Variants in GUCY2D observed in about 807,000 individuals in gnomAD.
GUCY2D encodes the protein retinal guanylyl cyclase 1.
A neutral mutation model predicts 101.3 loss-of-function variants in GUCY2D; 70 were observed. The observed-to-expected ratio is 0.69, with a 90% CI of 0.57 to 0.84. GUCY2D has a LOEUF of 0.84. GUCY2D is among the 40% of genes least tolerant of loss of function. The pLI, the probability that GUCY2D is intolerant of heterozygous loss-of-function variation, is 0.00. For missense variants in GUCY2D, 1,460 were observed against 1,542.5 expected (o/e 0.95, Z 0.90); for synonymous variants, 688 against 670.7 (o/e 1.03, Z -0.40).
In GUCY2D at chr17:8,003,959, C is replaced by A. The variant is rs774569101; in HGVS notation, c.829C>A (p.Pro277Thr). The change falls in exon 3 of 20, where the codon CCC becomes ACC. Residue 277 changes from proline to threonine, a missense_variant. Physicochemically the swap from Pro to Thr is conservative, Grantham distance 38. Coordinates refer to ENST00000254854, the MANE Select transcript of GUCY2D (RefSeq NM_000180.4). ...GACCGATGGCTCCCTGGTCTTCCTG[C>A]CCTTCGACACGATCCACTACGCCTT... ...GLTDGSLVFLPFDTIHYALSP... is the reference protein window; with the variant it reads ...GLTDGSLVFLTFDTIHYALSP... The A allele has an allele frequency of 6.2e-7, 1 of 1,613,746 alleles. No homozygotes were observed. Among genetic ancestry groups the A allele is most frequent in the East Asian group, 2.2e-5 (1 of 44,880 alleles).
In GUCY2D at chr17:8,003,858, T is replaced by A; in HGVS notation, c.728T>A (p.Ile243Asn). 6.2e-7 allele frequency: 1 copy of A among 1,611,870 alleles called. No homozygotes were observed. Among genetic ancestry groups the A allele is most frequent in the Non-Finnish European group, 8.5e-7 (1 of 1,179,646 alleles). Residue 243 changes from isoleucine (I) to asparagine (N), a missense_variant, in exon 3 of 20, where the codon ATC (isoleucine) becomes AAC (asparagine). Ile to Asn is a moderately radical substitution (Grantham distance 149). Around this residue, in one of 3 missense-constraint regions of GUCY2D, gnomAD observed 1,196 missense variants for 1,229.6 expected, o/e 0.97. Coordinates refer to ENST00000254854, the MANE Select transcript of GUCY2D (RefSeq NM_000180.4). Reference protein sequence around the residue: ...VRDGPRVTAVIMVMHSVLLGG... With the variant: ...VRDGPRVTAVNMVMHSVLLGG... ...GCCAAGCCTCTGTCCGCAGCAGTGA[T>A]CATGGTGATGCACTCGGTGCTGCTG...
At position 8,004,162 on chromosome 17, in the gene GUCY2D, C is replaced by G; in HGVS notation, c.1026+6C>G. 1.3e-6 allele frequency: 2 copies of G among 1,584,916 alleles called. No individual in the cohort carries two copies. The highest frequency in any genetic ancestry group is 8.5e-7 in the Non-Finnish European group (1 of 1,170,100). Reference sequence around the variant, plus strand: ...CTGACCTCAATCTGCAGCAGGTAGACGGTCCCGGGAGGAGGGAAGAAGGCA... The same window carrying G: ...CTGACCTCAATCTGCAGCAGGTAGAGGGTCCCGGGAGGAGGGAAGAAGGCA... On this transcript the variant is annotated splice_donor_region_variant and intron_variant, in intron 3 of 19. Transcript: ENST00000254854.
At chr17:8,018,301 C>T (rs73978658) in intron 19 of GUCY2D, among the ~76,000 whole-genome samples, 2,571 of 152,210 alleles carry the variant, frequency 0.017, 69 homozygotes, top group African/African-American at 0.058. Context: ...GGGCCAGGGT[C>T]GGCACTGCCT....
rs1261423606 is a variant in GUCY2D at position 8,006,631 on chromosome 17, C to G, written c.1295C>G (p.Thr432Ser). 11 of 1,612,796 alleles carry G rather than the reference C, an allele frequency of 6.8e-6. No homozygotes were observed. The African/African-American group carries it at 1.5e-4, about 22-fold the overall frequency. Residue 432 changes from threonine (T) to serine (S), a missense_variant, in exon 4 of 20, where the codon ACC becomes AGC. Transcript: ENST00000254854. ...PARGSFLSAG[T>S]RMHFPRGGSA... is the part of the protein sequence containing the mutation. ...CGGGGCTCCTTCCTCTCCGCCGGTA[C>G]CCGGATGCACTTCCCGCGTGGGGGA...
intron 18 of GUCY2D, 62 bp downstream of exon 18, chr17:8,016,352 C>G: frequency 1.4e-6 from 2 of 1,441,994 alleles, no homozygotes; most frequent in African/African-American, 2.8e-5. Flanking sequence ...TGCTCTGTGT[C>G]TGACCCCCCG....
chr17:8,007,235 A>G, intron 5 of GUCY2D, 91 bp downstream of exon 5: 1 of 1,062,436 alleles, frequency 9.4e-7, no homozygotes. Flanking sequence ...ACTCAGGAGT[A>G]GAGGAGGAGA....
Position 8,002,877 on chromosome 17 carries a change from C to A in GUCY2D, c.-10+143C>A, listed in dbSNP as rs910817802. ...GGGGCGGCAGAAGGGGGCTTCGGGG[C>A]GGTGTCCTTGGCCCCAGTTAGTCTT... On this transcript the variant is annotated intron_variant, in intron 1 of 19. Transcript: ENST00000254854. This position sits in a 1 kb window ranked among gnomAD's most constrained non-coding sequence, Gnocchi z 4.9. The A allele has an allele frequency of 7.0e-6, 4 of 567,918 alleles. No individual in the cohort carries two copies. The highest frequency in any genetic ancestry group is 6.0e-5 in the African/African-American group (3 of 49,906). 35.2% of individuals were successfully genotyped at this position (567,918 alleles called of 1,614,324 possible).
chr17:8,016,652 G>A (rs1204703906), intron 19 of GUCY2D, 98 bp downstream of exon 19: 1 of 665,302 alleles, frequency 1.5e-6, no homozygotes, highest in South Asian at 1.8e-5. Context: ...TTCTGACTTA[G>A]AGAGCCCAGG....
intron 15 of GUCY2D, 77 bp from the exon 16 acceptor site, chr17:8,015,666 A>C (rs1300882192): frequency 2.4e-6 from 3 of 1,252,868 alleles, no homozygotes; most frequent in Non-Finnish European, 3.4e-6. Context: ...AATGGGTGCG[A>C]AGATCCCCCG....
chr17:8,012,624 A>T lies in GUCY2D; in HGVS notation c.2113+18A>T, dbSNP rs1212859000. ...AGCGGAGGGTAAGAGTCCCCTGTGC[A>T]GACGAGGATCCACCGGGATCCCCAT... On this transcript the variant is annotated intron_variant, in intron 10 of 19. Transcript: ENST00000254854. 6.2e-7 allele frequency: 1 copy of T among 1,603,518 alleles called. No individual in the cohort carries two copies. Among genetic ancestry groups the T allele is most frequent in the South Asian group, 1.1e-5 (1 of 90,880 alleles).
chr17:8,020,189 T>G lies in GUCY2D; in HGVS notation c.*86T>G, dbSNP rs1976047486. ...CCCCAGGCACCCCCCTTTGAGGAGG[T>G]GGGGTGAACTGCTCCTTGGCAGGGA... is the stretch of plus-strand genomic sequence containing the variant. On this transcript the variant is annotated 3_prime_UTR_variant, in exon 20 of 20. Coordinates refer to ENST00000254854, the MANE Select transcript of GUCY2D (RefSeq NM_000180.4). The G allele has an allele frequency of 7.5e-6, 1 of 132,664 alleles. No homozygotes were observed. The highest frequency in any genetic ancestry group is 9.1e-5 in the Admixed American group (1 of 11,024). The allele number at this position is 132,664 out of a possible 1,614,324, so 8.2% of individuals were successfully genotyped here.
In GUCY2D at chr17:8,013,627, T is replaced by G. The variant is rs989600002; in HGVS notation, c.2264-253T>G. On this transcript the variant is annotated intron_variant, in intron 11 of 19. Transcript: ENST00000254854. This position sits in a 1 kb window ranked among gnomAD's most constrained non-coding sequence, Gnocchi z 5.0. ...TTGATCACCTATCCCTCACTTGTCT[T>G]ACATACAATATGTTAGTTTCTTTGC... The G allele has an allele frequency of 1.9e-5, 11 of 588,946 alleles. No individual in the cohort carries two copies. The highest frequency in any genetic ancestry group is 3.7e-5 in the African/African-American group (2 of 53,640). 36.5% of individuals were successfully genotyped at this position (588,946 alleles called of 1,614,324 possible). A position where few individuals can be genotyped will look rare whatever the true frequency, so the allele number is the denominator to read the frequency against.
At chr17:8,008,991 A>C (rs1975797538) in intron 7 of GUCY2D, among the ~76,000 whole-genome samples, 1 of 152,232 alleles carries the variant, frequency 6.6e-6, no homozygotes, top group East Asian at 1.9e-4. Context: ...GCAGGAGGTC[A>C]TTGAACCAAG....
At chr17:8,015,088 A>T in intron 14 of GUCY2D, 37 bp downstream of exon 14, 1 of 1,564,412 alleles carries the variant, frequency 6.4e-7, no homozygotes, top group Middle Eastern at 1.9e-4. Context: ...CTGACCTTCA[A>T]TTCAGCTTCA....
At position 8,003,494 on chromosome 17, in the gene GUCY2D, C is replaced by T; in HGVS notation, c.447C>T (p.Pro149=). ...AAGAAGCCGGGATCGCGCTGGTGCC[C>T]TGGGGCTGCCCCTGGACGCAGGCGG... is the stretch of plus-strand genomic sequence containing the variant. ...LAEEAGIALV[P]WGCPWTQAEG... is the part of the protein sequence containing the mutation. The change falls in exon 2 of 20, where the codon CCC becomes CCT. Residue 149 remains proline, a synonymous_variant. Transcript: ENST00000254854. 6.5e-7 allele frequency: 1 copy of T among 1,529,498 alleles called. No homozygotes were observed. Among genetic ancestry groups the T allele is most frequent in the Non-Finnish European group, 8.7e-7 (1 of 1,144,426 alleles). The allele number at this position is 1,529,498 out of a possible 1,614,324, so 94.7% of individuals were successfully genotyped here. A position where few individuals can be genotyped will look rare whatever the true frequency, so the allele number is the denominator to read the frequency against.
In GUCY2D at chr17:8,006,646, C is replaced by T. The variant is rs1975748031; in HGVS notation, c.1310C>T (p.Pro437Leu). The change falls in exon 4 of 20, where the codon CCG (proline) becomes CTG (leucine). Residue 437 changes from proline to leucine, a missense_variant. This residue lies in a region of GUCY2D where 1,196 missense variants were observed against 1,229.6 expected (regional missense o/e 0.97). Transcript: ENST00000254854. Reference sequence around the variant, plus strand: ...TCCGCCGGTACCCGGATGCACTTCCCGCGTGGGGGATCAGCACCCGGACCT... The same window carrying T: ...TCCGCCGGTACCCGGATGCACTTCCTGCGTGGGGGATCAGCACCCGGACCT... ...FLSAGTRMHF[P>L]RGGSAPGPDP... 6.2e-7 allele frequency: 1 copy of T among 1,612,704 alleles called. No homozygotes were observed. The highest frequency in any genetic ancestry group is 8.5e-7 in the Non-Finnish European group (1 of 1,179,502).
intron 7 of GUCY2D, among the ~76,000 whole-genome samples, chr17:8,008,618 G>A (rs1975791330): frequency 6.6e-6 from 1 of 152,170 alleles, no homozygotes; most frequent in African/African-American, 2.4e-5. Flanking sequence ...CAGGTCATGG[G>A]AAGGAATGCA....
Position 8,003,476 on chromosome 17 carries a change from C to T in GUCY2D, c.429C>T (p.Ala143=), listed in dbSNP as rs941216139. The T allele has an allele frequency of 1.0e-5, 16 of 1,524,448 alleles. No individual in the cohort carries two copies. In the Admixed American group the frequency reaches 2.2e-4, roughly 21 times the overall value. 94.4% of individuals were successfully genotyped at this position (1,524,448 alleles called of 1,614,324 possible). The change falls in exon 2 of 20, where the codon GCC becomes GCT. Residue 143 remains alanine (A), a synonymous_variant. Coordinates refer to ENST00000254854, the MANE Select transcript of GUCY2D (RefSeq NM_000180.4). ...CRPAELLAEE[A]GIALVPWGCP... ...CAGCCGAGCTGCTCGCCGAAGAAGC[C>T]GGGATCGCGCTGGTGCCCTGGGGCT...
rs1253086014 is a variant in GUCY2D at position 8,006,574 on chromosome 17, G to A, written c.1238G>A (p.Arg413Gln). The change falls in exon 4 of 20, where the codon CGG (arginine) becomes CAG (glutamine). Residue 413 changes from arginine (R) to glutamine (Q), a missense_variant. This residue lies in a region of GUCY2D where 1,196 missense variants were observed against 1,229.6 expected (regional missense o/e 0.97). Coordinates refer to ENST00000254854, the MANE Select transcript of GUCY2D (RefSeq NM_000180.4). ...CTAGACACGGACGCGGCGGGAGACCGGCTTTTTGCCACATACATGCTGGAT... is the reference window on the plus strand; with the variant it reads ...CTAGACACGGACGCGGCGGGAGACCAGCTTTTTGCCACATACATGCTGGAT... ...VLLDTDAAGDRLFATYMLDPA... is the reference protein window; with the variant it reads ...VLLDTDAAGDQLFATYMLDPA... The A allele has an allele frequency of 1.9e-6, 3 of 1,613,450 alleles. No individual in the cohort carries two copies. The highest frequency in any genetic ancestry group is 1.7e-5 in the Admixed American group (1 of 60,014).
Sources: allele counts gnomAD v4.1 joint callset (sites outside exome capture counted in the v4.1 genomes callset), GRCh38; gene constraint gnomAD v4.1.1; regional missense constraint gnomAD v4.1.1; non-coding constraint Gnocchi (gnomAD v3.1); transcripts MANE v1.5; gene names NCBI Gene and HGNC (gene_info 2026-07-23, HGNC 2026-07-21).